DNAH12: variants seen among roughly 807,000 people sequenced by gnomAD.
DNAH12 encodes the protein dynein axonemal heavy chain 12, also known as axonemal beta dynein heavy chain 12.
A neutral mutation model predicts 371.5 loss-of-function variants in DNAH12; 285 were observed. That is an observed-to-expected ratio of 0.77 (90% CI 0.70 to 0.85). DNAH12 has a LOEUF of 0.85. Among genes scored for constraint, DNAH12 ranks in the 40% least tolerant of loss-of-function variants. The pLI is 0.00. For missense variants in DNAH12, 3,611 were observed against 3,689.4 expected, an observed-to-expected ratio of 0.98 and a Z score of 0.55; for synonymous variants, 1,200 against 1,213.0, an observed-to-expected ratio of 0.99 and a Z score of 0.22.
At chr3:57,369,177 G>A (rs1050522298) in intron 55 of DNAH12, among the ~76,000 whole-genome samples, 15 of 146,252 alleles carry the variant, frequency 1.0e-4, no homozygotes, top group African/African-American at 2.8e-4. Context: ...CTAAGATTGC[G>A]CCACTGCACT....
At chr3:57,458,627 A>G (rs2065968323) in intron 20 of DNAH12, among the ~76,000 whole-genome samples, 1 of 152,214 alleles carries the variant, frequency 6.6e-6, no homozygotes, top group Non-Finnish European at 1.5e-5. Context: ...CAGTTTTTGT[A>G]TAAGTTGTAA....
intron 2 of DNAH12, among the ~76,000 whole-genome samples, chr3:57,537,193 C>T (rs2069081160): frequency 6.6e-6 from 1 of 150,924 alleles, no homozygotes; most frequent in African/African-American, 2.4e-5. Context: ...GACCTTGTCT[C>T]AGAAAAAAAA....
chr3:57,338,748 G>A (rs2062307684), intron 60 of DNAH12, among the ~76,000 whole-genome samples: 1 of 149,562 alleles, frequency 6.7e-6, no homozygotes, highest in Non-Finnish European at 1.5e-5. Flanking sequence ...GCCACCCATT[G>A]TCTGGGATGT....
At chr3:57,420,408 T>C (rs1044379191) in intron 36 of DNAH12, among the ~76,000 whole-genome samples, 1 of 152,210 alleles carries the variant, frequency 6.6e-6, no homozygotes, top group African/African-American at 2.4e-5. Flanking sequence ...CTTTGTAAGT[T>C]TGGGTGAATG....
chr3:57,403,262 GA>G, intron 43 of DNAH12, 46 bp downstream of exon 43: 7 of 1,497,572 alleles, frequency 4.7e-6, no homozygotes, highest in Non-Finnish European at 6.2e-6. Flanking sequence ...ACGAGTAAAA[GA>G]ATATACTGTT....
intron 11 of DNAH12, among the ~76,000 whole-genome samples, chr3:57,490,741 ATAAT>A (rs1411579757): frequency 6.6e-6 from 1 of 152,066 alleles, no homozygotes; most frequent in Admixed American, 6.6e-5. Context: ...GGGGAAGATA[ATAAT>A]TAATTGATTC....
the DNAH12 span, among the ~76,000 whole-genome samples, chr3:57,550,160 T>C: frequency 6.6e-6 from 1 of 151,796 alleles, no homozygotes; most frequent in Non-Finnish European, 1.5e-5. Flanking sequence ...AAAAAAAAGT[T>C]TTTTTAATTA....
Position 57,458,187 on chromosome 3 carries a change from C to G in DNAH12, c.2965G>C (p.Glu989Gln). 6.5e-7 allele frequency: 1 copy of G among 1,549,448 alleles called. No homozygotes were observed. The change falls in exon 21 of 74, where the codon GAA becomes CAA. Residue 989 changes from glutamate to glutamine, a missense_variant. Physicochemically the swap from Glu to Gln is conservative, Grantham distance 29. Around this residue, in one of 3 missense-constraint regions of DNAH12, gnomAD observed 1,314 missense variants for 1,398.7 expected, o/e 0.94. Transcript: ENST00000495027. ...AGTTCATTGCAGTTCTGTAGTTTTT[C>G]CAATAAACCTGTTAAAGAAGTGGCA... The part of the protein sequence containing the change: ...LAATSLTGLL[E>Q]KLQNCNELLE...
intron 5 of DNAH12, 108 bp from the exon 6 acceptor site, chr3:57,509,320 A>G: frequency 9.5e-7 from 1 of 1,053,764 alleles, no homozygotes. Context: ...GTGCATTAAA[A>G]GGAATGTAAG....
intron 25 of DNAH12, 35 bp from the exon 26 acceptor site, chr3:57,446,724 GCTT>G: frequency 1.4e-6 from 2 of 1,431,516 alleles, no homozygotes; most frequent in Admixed American, 5.6e-5. Context: ...AGAAATCCAT[GCTT>G]AAATTTAAAA....
intron 58 of DNAH12, among the ~76,000 whole-genome samples, chr3:57,360,262 T>G (rs887119633): frequency 1.3e-5 from 2 of 152,088 alleles, no homozygotes; most frequent in African/African-American, 4.8e-5. Flanking sequence ...CCCTACTCCT[T>G]TGGCTCCCCC....
Position 57,413,729 on chromosome 3 carries a change from T to A in DNAH12, c.6020+17A>T. 3.2e-6 allele frequency: 5 copies of A among 1,544,760 alleles called. No homozygotes were observed. Among genetic ancestry groups the A allele is most frequent in the Middle Eastern group, 1.7e-4 (1 of 5,956 alleles). ...TGAGGTATAACTTCAGCATAACTTA[T>A]CGAATTAAATAGTTACCAATGTCCA... On this transcript the variant is annotated intron_variant, in intron 39 of 73. Coordinates refer to ENST00000495027, the MANE Select transcript of DNAH12 (RefSeq NM_001366028.2).
chr3:57,413,623 T>C, intron 39 of DNAH12, 123 bp downstream of exon 39: 1 of 1,055,230 alleles, frequency 9.5e-7, no homozygotes, highest in South Asian at 1.8e-5. Context: ...GCTTCATGTA[T>C]AGGAAAATCT....
At chr3:57,342,235 T>C (rs937864747) in intron 60 of DNAH12, among the ~76,000 whole-genome samples, 1 of 151,916 alleles carries the variant, frequency 6.6e-6, no homozygotes, top group Non-Finnish European at 1.5e-5. Context: ...AACTCAAAAG[T>C]ACAGGCAACA....
At chr3:57,304,871 C>A (rs2061436251) in intron 69 of DNAH12, among the ~76,000 whole-genome samples, 1 of 152,084 alleles carries the variant, frequency 6.6e-6, no homozygotes, top group Non-Finnish European at 1.5e-5. Flanking sequence ...AAGCACCCCC[C>A]ACCCCTTCTC....
In DNAH12 at chr3:57,405,859, A is replaced by T; in HGVS notation, c.6370T>A (p.Cys2124Ser). The T allele has an allele frequency of 6.4e-7, 1 of 1,551,658 alleles. No homozygotes were observed. Among genetic ancestry groups the T allele is most frequent in the Non-Finnish European group, 8.7e-7 (1 of 1,146,932 alleles). The change falls in exon 41 of 74, where the codon TGT (cysteine) becomes AGT (serine). Residue 2124 changes from cysteine to serine, a missense_variant. This residue lies in a region of DNAH12 where 2,266 missense variants were observed against 2,236.9 expected (regional missense o/e 1.01). Transcript: ENST00000495027. ...ACGGCGTCTCTTTCAATGAGTAAAC[A>T]GCCCCGGATGACGCGTGAAAAATCA... ...LRDFSRVIRGCLLIERDAVAN... is the reference protein window; with the variant it reads ...LRDFSRVIRGSLLIERDAVAN...
intron 55 of DNAH12, among the ~76,000 whole-genome samples, chr3:57,374,323 G>C (rs1384265660): frequency 6.6e-5 from 10 of 152,108 alleles, no homozygotes; most frequent in African/African-American, 2.4e-4. Context: ...ATAAATCTAA[G>C]AGCTCCATAG....
At chr3:57,336,583 T>C (rs2062227301) in intron 60 of DNAH12, among the ~76,000 whole-genome samples, 2 of 152,122 alleles carry the variant, frequency 1.3e-5, no homozygotes, top group Admixed American at 1.3e-4. Flanking sequence ...CAAGATATCT[T>C]AGGGGAAGTT....
At chr3:57,409,467 G>A (rs2064137879) in intron 39 of DNAH12, among the ~76,000 whole-genome samples, 2 of 152,204 alleles carry the variant, frequency 1.3e-5, no homozygotes, top group South Asian at 4.1e-4. Flanking sequence ...ATGGCTATTT[G>A]AGATAAATAT....
Sources: gnomAD v4.1 joint callset for allele counts (sites outside exome capture counted in the v4.1 genomes callset) on GRCh38, gnomAD v4.1.1 for gene constraint, gnomAD v4.1.1 regional missense constraint, MANE v1.5 for transcripts, NCBI Gene and HGNC (gene_info 2026-07-23, HGNC 2026-07-21) for gene names.